The following EXT1 variants were observed in gnomAD, a reference collection of about 807,000 sequenced individuals.
EXT1 encodes the protein exostosin-1.
A neutral mutation model predicts 82.5 loss-of-function variants in EXT1; 20 were observed. That is an observed-to-expected ratio of 0.24 (90% CI 0.17 to 0.35). EXT1 has a LOEUF of 0.35. Ranked by LOEUF, EXT1 falls within the 10% of genes least tolerant of loss-of-function variation. The pLI, the probability that EXT1 is intolerant of heterozygous loss-of-function variation, is 1.00. For synonymous variants in EXT1, 348 were observed against 350.8 expected (o/e 0.99, Z 0.09); for missense variants, 757 against 936.5 (o/e 0.81, Z 2.50).
chr8:118,024,039 C>A (rs537839124), intron 1 of EXT1, among the ~76,000 whole-genome samples: 16 of 152,222 alleles, frequency 1.1e-4, no homozygotes, highest in Non-Finnish European at 2.2e-4. Context: ...TTTCTCCTTC[C>A]CCCTATCTCC....
At chr8:117,919,133 G>C (rs1813808385) in intron 1 of EXT1, among the ~76,000 whole-genome samples, 2 of 151,746 alleles carry the variant, frequency 1.3e-5, no homozygotes, top group East Asian at 3.9e-4. Flanking sequence ...CAAAATAGGA[G>C]AACTCTTCTT....
At chr8:117,856,589 A>G (rs943030523) in intron 1 of EXT1, among the ~76,000 whole-genome samples, 4 of 146,092 alleles carry the variant, frequency 2.7e-5, no homozygotes, top group Admixed American at 2.0e-4. Flanking sequence ...TTTTATGATG[A>G]CAGAGAGAAA....
chr8:117,983,525 C>T (rs1449056145), intron 1 of EXT1, among the ~76,000 whole-genome samples: 3 of 152,086 alleles, frequency 2.0e-5, no homozygotes, highest in Non-Finnish European at 4.4e-5. Flanking sequence ...CAAATGGCAA[C>T]ATGGACGCTC....
Position 117,807,303 on chromosome 8 carries a change from C to G in EXT1, c.1797G>C (p.Trp599Cys), listed in dbSNP as rs1718310043. The change falls in exon 9 of 11, where the codon TGG (tryptophan) becomes TGC (cysteine). Residue 599 changes from tryptophan (W) to cysteine (C), a missense_variant. By Grantham distance (215) the Trp-to-Cys change is radical (BLOSUM62 -2). Transcript: ENST00000378204. ...ATCCCCACCGCTCCTTAGAGTTATCCCAGAAGTGGCTGCGCGCGGGGTACC... is the reference window on the plus strand; with the variant it reads ...ATCCCCACCGCTCCTTAGAGTTATCGCAGAAGTGGCTGCGCGCGGGGTACC... ...IVGYPARSHF[W>C]DNSKERWGYT... 17 of 1,614,164 alleles carry G rather than the reference C, an allele frequency of 1.1e-5. No homozygotes were observed. The highest frequency in any genetic ancestry group is 1.2e-5 in the Non-Finnish European group (14 of 1,180,040).
chr8:117,806,733 C>G (rs936511419), intron 9 of EXT1, among the ~76,000 whole-genome samples: 2 of 152,200 alleles, frequency 1.3e-5, no homozygotes, highest in African/African-American at 4.8e-5. Context: ...TCTCCACCTT[C>G]AGCACCCTTG....
At chr8:117,887,875 C>T (rs1180952875) in intron 1 of EXT1, among the ~76,000 whole-genome samples, 16 of 151,664 alleles carry the variant, frequency 1.1e-4, no homozygotes. Context: ...CACCTGAGCT[C>T]GGGAGTTTGA....
chr8:117,906,510 A>T lies in EXT1; in HGVS notation c.963-69309T>A, dbSNP rs953352254. ...TGCCATCAGTTGAAATCTATTAGTC[A>T]TTCCCAGGAATAAATATCCTCCAGT... is the stretch of plus-strand genomic sequence containing the variant. On this transcript the variant is annotated intron_variant, in intron 1 of 10. Coordinates refer to ENST00000378204, the MANE Select transcript of EXT1 (RefSeq NM_000127.3). Among the ~76,000 whole-genome samples the T allele has an allele frequency of 4.1e-4, 63 of 152,322 alleles. 1 individual carries two copies. Among genetic ancestry groups the T allele is most frequent in the African/African-American group, 1.4e-3 (60 of 41,576 alleles).
rs776837783 is a variant in EXT1, at chr8:117,830,245, T to C, written c.1269A>G (p.Val423=). 12 of 1,613,948 alleles carry C rather than the reference T, an allele frequency of 7.4e-6. No homozygotes were observed. Among genetic ancestry groups the C allele is most frequent in the Middle Eastern group, 3.3e-4 (2 of 6,074 alleles). The part of the protein sequence containing the change: ...EAYFSSVEKI[V]LTTLEIIQDR... ...TCTCACTTACCTCTAGTGTAGTTAA[T>C]ACAATCTTCTCAACTGAAGAAAAAT... Residue 423 remains valine, a synonymous_variant, in exon 4 of 11, where the codon GTA becomes GTG. Transcript: ENST00000378204.
At chr8:117,995,207 C>T (rs1006239828) in intron 1 of EXT1, among the ~76,000 whole-genome samples, 4 of 152,160 alleles carry the variant, frequency 2.6e-5, no homozygotes, top group African/African-American at 4.8e-5. Context: ...CACTTTTTGA[C>T]ATCAGATTCT....
At chr8:118,079,270 C>A (rs752696753) in intron 1 of EXT1, among the ~76,000 whole-genome samples, 4 of 152,088 alleles carry the variant, frequency 2.6e-5, no homozygotes, top group Non-Finnish European at 5.9e-5. Flanking sequence ...TTCAAACAAG[C>A]CGAGCAAATG....
intron 1 of EXT1, among the ~76,000 whole-genome samples, chr8:118,055,070 T>C (rs1267580719): frequency 1.3e-5 from 2 of 152,156 alleles, no homozygotes; most frequent in Non-Finnish European, 2.9e-5. Context: ...TATGCACTCA[T>C]GCATCCACTT....
intron 1 of EXT1, among the ~76,000 whole-genome samples, chr8:117,948,598 G>C (rs759308058): frequency 3.3e-5 from 5 of 152,178 alleles, no homozygotes; most frequent in Non-Finnish European, 7.3e-5. Context: ...GTTGAAATTT[G>C]TATAGGAAAT....
At chr8:117,930,768 G>T (rs1814044835) in intron 1 of EXT1, among the ~76,000 whole-genome samples, 1 of 152,192 alleles carries the variant, frequency 6.6e-6, no homozygotes, top group Non-Finnish European at 1.5e-5. Context: ...AAGGTTAGTT[G>T]TGTTTAGTCA....
In EXT1 at chr8:118,110,606, G is replaced by A. The variant is rs2130043457; in HGVS notation, c.441C>T (p.Asp147=). Reference sequence around the variant, plus strand: ...GGACAAAGAGGCACGCCTGGCTGGGGTCCGAGGTGTAGAACCTGGAGCCCT... The same window carrying A: ...GGACAAAGAGGCACGCCTGGCTGGGATCCGAGGTGTAGAACCTGGAGCCCT... ...AIEGSRFYTS[D]PSQACLFVLS... is the part of the protein sequence containing the mutation. The change falls in exon 1 of 11, where the codon GAC becomes GAT. Residue 147 remains aspartate (D), a synonymous_variant. Transcript: ENST00000378204. 2 of 1,614,204 alleles carry A rather than the reference G, an allele frequency of 1.2e-6. No individual in the cohort carries two copies. Among genetic ancestry groups the A allele is most frequent in the Non-Finnish European group, 1.7e-6 (2 of 1,180,036 alleles).
At chr8:117,887,110 T>G (rs1813159254) in intron 1 of EXT1, among the ~76,000 whole-genome samples, 1 of 152,184 alleles carries the variant, frequency 6.6e-6, no homozygotes, top group South Asian at 2.1e-4. Flanking sequence ...TGTCATAAAA[T>G]GGGATCACCT....
intron 1 of EXT1, among the ~76,000 whole-genome samples, chr8:117,980,559 C>T (rs1378266629): frequency 6.6e-6 from 1 of 152,212 alleles, no homozygotes; most frequent in East Asian, 1.9e-4. Flanking sequence ...TCTCTTCCAA[C>T]TTAATATATG....
Position 117,887,652 on chromosome 8 carries a change from C to T in EXT1, c.963-50451G>A, listed in dbSNP as rs139343417. ...GGTGTGAGCCAACATGCCCAGCCCC[C>T]TTTCTTACTCTTTCTATTCATTAGT... On this transcript the variant is annotated intron_variant, in intron 1 of 10. Transcript: ENST00000378204. Among the ~76,000 whole-genome samples, 375 of 137,504 alleles carry T rather than the reference C, an allele frequency of 2.7e-3. 1 individual carries two copies. The highest frequency in any genetic ancestry group is 9.7e-3 in the African/African-American group (366 of 37,700). The allele number at this position is 137,504 out of a possible 152,430, so 90.2% of individuals were successfully genotyped here. A position where few individuals can be genotyped will look rare whatever the true frequency, so the allele number is the denominator to read the frequency against.
intron 1 of EXT1, among the ~76,000 whole-genome samples, chr8:118,039,543 G>A (rs1816488101): frequency 8.5e-6 from 1 of 118,200 alleles, no homozygotes; most frequent in African/African-American, 3.3e-5. Context: ...CTGGACAAGA[G>A]AGAGACTCCG....
In EXT1 at chr8:118,075,923, A is replaced by G. The variant is rs1817200128; in HGVS notation, c.962+34162T>C. 2.0e-5 allele frequency among the ~76,000 whole-genome samples: 3 copies of G among 152,178 alleles called. No homozygotes were observed. In the South Asian group the frequency reaches 6.2e-4, roughly 32 times the overall value. On this transcript the variant is annotated intron_variant, in intron 1 of 10. Coordinates refer to ENST00000378204, the MANE Select transcript of EXT1 (RefSeq NM_000127.3). Reference sequence around the variant, plus strand: ...ACCCAAACACCTCCCACCGGACCCCACCTCCAACATTGGGGATTACATCTC... The same window carrying G: ...ACCCAAACACCTCCCACCGGACCCCGCCTCCAACATTGGGGATTACATCTC...
Sources: allele counts gnomAD v4.1 joint callset (sites outside exome capture counted in the v4.1 genomes callset), GRCh38; gene constraint gnomAD v4.1.1; transcripts MANE v1.5; gene names NCBI Gene and HGNC (gene_info 2026-07-23, HGNC 2026-07-21).